The following TMCO4 variants were observed in gnomAD, a reference collection of about 807,000 sequenced individuals.
TMCO4 encodes transmembrane and coiled-coil domains 4, also known as transmembrane and coiled-coil domain-containing protein 4.
Under a neutral mutation model 64.7 loss-of-function variants are expected in TMCO4, and 58 were observed. That is an observed-to-expected ratio of 0.90 (90% CI 0.73 to 1.12). The LOEUF (loss-of-function observed/expected upper bound fraction) is 1.12. TMCO4 is among the 50% of genes most tolerant of loss of function. The pLI, the probability that TMCO4 is intolerant of heterozygous loss-of-function variation, is 0.00. For synonymous variants in TMCO4, 325 were observed against 346.1 expected, an observed-to-expected ratio of 0.94 and a Z score of 0.68; for missense variants, 780 against 825.9, an observed-to-expected ratio of 0.94 and a Z score of 0.68.
intron 13 of TMCO4, among the ~76,000 whole-genome samples, chr1:19,735,435 C>T (rs1353729800): frequency 6.6e-6 from 1 of 152,138 alleles, no homozygotes; most frequent in African/African-American, 2.4e-5. Context: ...CAGCTATGGG[C>T]CATGAGGATC....
chr1:19,696,412 TGGTGGTG>T (rs1045092443), intron 14 of TMCO4, among the ~76,000 whole-genome samples: 23 of 147,456 alleles, frequency 1.6e-4, no homozygotes, highest in African/African-American at 5.7e-4. Context: ...TAGCTGGGCA[TGGTGGTG>T]TGTGCCTGTG....
chr1:19,782,651 GGGA>G (rs1315474130), intron 3 of TMCO4, among the ~76,000 whole-genome samples: 1 of 152,210 alleles, frequency 6.6e-6, no homozygotes, highest in Non-Finnish European at 1.5e-5. Flanking sequence ...AAAAGGGAAA[GGGA>G]GGAGAAGAGT....
intron 13 of TMCO4, among the ~76,000 whole-genome samples, chr1:19,733,451 T>C (rs1327837329): frequency 6.6e-6 from 1 of 152,114 alleles, no homozygotes; most frequent in African/African-American, 2.4e-5. Flanking sequence ...TCATGGGTCA[T>C]GTGTCCATCA....
At chr1:19,797,902 G>C (rs1227797773) in intron 2 of TMCO4, among the ~76,000 whole-genome samples, 1 of 142,656 alleles carries the variant, frequency 7.0e-6, no homozygotes, top group Non-Finnish European at 1.5e-5. Context: ...GAGAGAGAGA[G>C]GGAGGGAGAG....
rs1243631595 is a variant in TMCO4, at chr1:19,683,256, C to G, written c.1689G>C (p.Gln563His). The change falls in exon 16 of 16, where the codon CAG becomes CAC. Residue 563 changes from glutamine (Q) to histidine (H), a missense_variant. Gln to His is a conservative substitution (Grantham distance 24). Coordinates refer to ENST00000294543, the MANE Select transcript of TMCO4 (RefSeq NM_181719.7). ...TGGAGGTGTCTCCGGATATGGGACC[C>G]TGGGTTTGCCCAACCTGGTGGGGGG... ...GETPHQVGQT[Q>H]GPISGDTSKL... is the part of the protein sequence containing the mutation. 5.0e-6 allele frequency: 8 copies of G among 1,614,192 alleles called. No homozygotes were observed. The highest frequency in any genetic ancestry group is 5.9e-6 in the Non-Finnish European group (7 of 1,180,026).
At chr1:19,708,761 A>G (rs1030999279) in intron 13 of TMCO4, among the ~76,000 whole-genome samples, 6 of 152,196 alleles carry the variant, frequency 3.9e-5, no homozygotes, top group African/African-American at 1.2e-4. Flanking sequence ...ACAGCTGGGA[A>G]GGCAGCACCT....
chr1:19,759,775 C>T lies in TMCO4; in HGVS notation c.383-4009G>A, dbSNP rs71645467. Among the ~76,000 whole-genome samples, 745 of 152,318 alleles carry T rather than the reference C, an allele frequency of 4.9e-3. 2 individuals carry two copies. Among genetic ancestry groups the T allele is most frequent in the Middle Eastern group, 0.014 (4 of 292 alleles). On this transcript the variant is annotated intron_variant, in intron 6 of 15. Coordinates refer to ENST00000294543, the MANE Select transcript of TMCO4 (RefSeq NM_181719.7). ...TCACCCCATCTCCATTACCCCATTTCCCTGTATAGGTTTATTGTCTGGCTT... is the reference window on the plus strand; with the variant it reads ...TCACCCCATCTCCATTACCCCATTTTCCTGTATAGGTTTATTGTCTGGCTT...
chr1:19,693,168 A>C lies in TMCO4; in HGVS notation c.1500+1266T>G, dbSNP rs1343206787. On this transcript the variant is annotated intron_variant, in intron 15 of 15. Coordinates refer to ENST00000294543, the MANE Select transcript of TMCO4 (RefSeq NM_181719.7). ...AGCCTGAGCGAGACCCCATCTCAAA[A>C]AAAAAAAAAAAAAAAAAAAAAAAAA... 5.0e-3 allele frequency among the ~76,000 whole-genome samples: 354 copies of C among 70,764 alleles called. 22 individuals carry two copies. Among genetic ancestry groups the C allele is most frequent in the African/African-American group, 0.035 (334 of 9,448 alleles). 46.4% of individuals were successfully genotyped at this position (70,764 alleles called of 152,430 possible). A position where few individuals can be genotyped will look rare whatever the true frequency, so the allele number is the denominator to read the frequency against.
At chr1:19,765,703 G>A (rs1215193813) in intron 6 of TMCO4, among the ~76,000 whole-genome samples, 4 of 151,994 alleles carry the variant, frequency 2.6e-5, no homozygotes, top group African/African-American at 9.7e-5. Flanking sequence ...TACTAGATGA[G>A]GAGAAGGAAA....
At chr1:19,745,201 T>C (rs2041712091) in intron 10 of TMCO4, among the ~76,000 whole-genome samples, 1 of 146,938 alleles carries the variant, frequency 6.8e-6, no homozygotes, top group South Asian at 2.2e-4. Context: ...GAAGAGTAGA[T>C]GGATGGATGG....
intron 3 of TMCO4, 38 bp from the exon 4 acceptor site, chr1:19,780,804 G>A (rs1334040412): frequency 6.7e-7 from 1 of 1,482,042 alleles, no homozygotes; most frequent in African/African-American, 1.4e-5. Flanking sequence ...TGCTTCCAGA[G>A]GTAAGCCAAG....
intron 13 of TMCO4, among the ~76,000 whole-genome samples, chr1:19,735,274 C>T (rs1029905609): frequency 1.3e-5 from 2 of 152,190 alleles, no homozygotes; most frequent in Non-Finnish European, 2.9e-5. Context: ...GTCATCCCCC[C>T]ATGATCCTTT....
chr1:19,729,844 G>A (rs984448994), intron 13 of TMCO4, among the ~76,000 whole-genome samples: 1 of 152,164 alleles, frequency 6.6e-6, no homozygotes, highest in Non-Finnish European at 1.5e-5. Flanking sequence ...ATAAAAGCTT[G>A]AGGTGATAGA....
intron 3 of TMCO4, 119 bp from the exon 4 acceptor site, chr1:19,780,885 ACTT>A: frequency 1.2e-6 from 1 of 823,514 alleles, no homozygotes; most frequent in Non-Finnish European, 1.8e-6. Flanking sequence ...AAAATGAAGA[ACTT>A]CTTTTCATCA....
At chr1:19,727,213 T>A (rs2095412588) in intron 13 of TMCO4, among the ~76,000 whole-genome samples, 1 of 152,140 alleles carries the variant, frequency 6.6e-6, no homozygotes, top group African/African-American at 2.4e-5. Flanking sequence ...TGCTCTCGGG[T>A]TTGGAGTGGT....
At chr1:19,772,643 T>A (rs2101031440) in intron 4 of TMCO4, among the ~76,000 whole-genome samples, 1 of 152,298 alleles carries the variant, frequency 6.6e-6, no homozygotes, top group African/African-American at 2.4e-5. Context: ...GGGAAAGGGC[T>A]GACACCCAGA....
Position 19,745,568 on chromosome 1 carries a change from T to G in TMCO4, c.841A>C (p.Ile281Leu). ...GAAGCGAGCCACCCCGTGACGGCGA[T>G]GGTGATGTGCAGCTGCCTGCCCTCC... ...LTEGRQLHIT[I>L]AVTGWLASGK... is the part of the protein sequence containing the mutation. The change falls in exon 10 of 16, where the codon ATC becomes CTC. Residue 281 changes from isoleucine to leucine, a missense_variant. Physicochemically the swap from Ile to Leu is conservative, Grantham distance 5. Coordinates refer to ENST00000294543, the MANE Select transcript of TMCO4 (RefSeq NM_181719.7). The G allele has an allele frequency of 6.2e-7, 1 of 1,614,080 alleles. No homozygotes were observed. The highest frequency in any genetic ancestry group is 1.1e-5 in the South Asian group (1 of 91,072).
chr1:19,704,391 G>C (rs2095291406), intron 13 of TMCO4, among the ~76,000 whole-genome samples: 1 of 152,254 alleles, frequency 6.6e-6, no homozygotes, highest in Non-Finnish European at 1.5e-5. Flanking sequence ...CGAGGAAACA[G>C]GGTCAGAGAG....
At chr1:19,738,103 G>C (rs1288107135) in intron 12 of TMCO4, 1 of 152,286 alleles carries the variant, frequency 6.6e-6, no homozygotes, top group African/African-American at 2.4e-5. Context: ...AAGCTTACAT[G>C]GAAGGAGAGG....
Sources: allele counts gnomAD v4.1 joint callset (sites outside exome capture counted in the v4.1 genomes callset), GRCh38; gene constraint gnomAD v4.1.1; transcripts MANE v1.5; gene names NCBI Gene and HGNC (gene_info 2026-07-23, HGNC 2026-07-21).